The following SORCS1 variants were observed in gnomAD, a reference collection of about 807,000 sequenced individuals.
SORCS1 encodes the protein VPS10 domain-containing receptor SorCS1.
SORCS1 carries 60 observed loss-of-function variants against 146.1 expected under a neutral mutation model. The observed-to-expected ratio is 0.41, with a 90% CI of 0.33 to 0.51. The LOEUF (loss-of-function observed/expected upper bound fraction) is 0.51, where lower values mean the gene tolerates loss of function less well. Ranked by LOEUF, SORCS1 falls within the 20% of genes least tolerant of loss-of-function variation. The pLI, the probability that SORCS1 is intolerant of heterozygous loss-of-function variation, is 0.21. For missense variants in SORCS1, 1,352 were observed against 1,487.6 expected (o/e 0.91, Z 1.50); for synonymous variants, 637 against 584.0 (o/e 1.09, Z -1.31).
chr10:106,636,874 A>G (rs1465144328), intron 18 of SORCS1, among the ~76,000 whole-genome samples: 2 of 152,186 alleles, frequency 1.3e-5, no homozygotes, highest in East Asian at 3.9e-4. Flanking sequence ...AAAACACTCA[A>G]ACTACTCTGT....
chr10:106,818,216 C>A (rs1947837351), intron 3 of SORCS1, among the ~76,000 whole-genome samples: 1 of 152,122 alleles, frequency 6.6e-6, no homozygotes, highest in South Asian at 2.1e-4. Context: ...TATATCAAAT[C>A]TATAATGTGA....
rs577669983 is a variant in SORCS1, at chr10:106,765,018, G to C, written c.886-3357C>G. On this transcript the variant is annotated intron_variant, in intron 4 of 25. Coordinates refer to ENST00000263054, the MANE Select transcript of SORCS1 (RefSeq NM_052918.5). ...AGCCTGGGCAACAGAGCAAGACACT[G>C]TCTCAAAAAAAAAAAAAAAAAAAAA... Among the ~76,000 whole-genome samples the C allele has an allele frequency of 7.2e-5, 6 of 83,838 alleles. No individual in the cohort carries two copies. In the South Asian group the frequency reaches 3.0e-3, roughly 41 times the overall value. 55.0% of individuals were successfully genotyped at this position (83,838 alleles called of 152,430 possible).
At chr10:106,867,847 C>T (rs1181249233) in intron 2 of SORCS1, among the ~76,000 whole-genome samples, 1 of 152,096 alleles carries the variant, frequency 6.6e-6, no homozygotes, top group Non-Finnish European at 1.5e-5. Context: ...GGATCAAATC[C>T]ACACATATCA....
chr10:107,100,911 G>C (rs1274293235), intron 1 of SORCS1, among the ~76,000 whole-genome samples: 1 of 152,134 alleles, frequency 6.6e-6, no homozygotes, highest in Admixed American at 6.5e-5. Flanking sequence ...TATTTTTCTA[G>C]AGACAGGGTC....
chr10:107,014,306 A>AG (rs1564927121), intron 1 of SORCS1, among the ~76,000 whole-genome samples: 3 of 151,408 alleles, frequency 2.0e-5, no homozygotes, highest in African/African-American at 7.3e-5. Context: ...GAGAGAGAGA[A>AG]AGAAACAAAA....
chr10:106,744,614 A>G (rs1857589231), intron 5 of SORCS1, among the ~76,000 whole-genome samples: 1 of 152,154 alleles, frequency 6.6e-6, no homozygotes, highest in South Asian at 2.1e-4. Context: ...CATATTTTTC[A>G]TGTATTTTTT....
chr10:106,595,690 T>A (rs1589688381), intron 24 of SORCS1, among the ~76,000 whole-genome samples: 1 of 152,174 alleles, frequency 6.6e-6, no homozygotes, highest in East Asian at 1.9e-4. Flanking sequence ...CCTCGTGAAA[T>A]CTCCAGGAAA....
intron 6 of SORCS1, among the ~76,000 whole-genome samples, chr10:106,718,424 C>G (rs186464017): frequency 1.3e-5 from 2 of 152,140 alleles, no homozygotes; most frequent in Non-Finnish European, 2.9e-5. Context: ...ATGGTGTGCC[C>G]GGAGTTTATT....
chr10:106,592,370 T>C (rs919898452), intron 24 of SORCS1, among the ~76,000 whole-genome samples: 1 of 152,182 alleles, frequency 6.6e-6, no homozygotes, highest in Non-Finnish European at 1.5e-5. Context: ...CTAATGACAT[T>C]CAGGTATCTG....
intron 1 of SORCS1, among the ~76,000 whole-genome samples, chr10:107,010,885 T>C (rs1250032067): frequency 6.6e-6 from 1 of 152,152 alleles, no homozygotes; most frequent in African/African-American, 2.4e-5. Context: ...CACAGAGCTT[T>C]CAAACCAGAT....
At chr10:107,082,896 G>A (rs1963437931) in intron 1 of SORCS1, among the ~76,000 whole-genome samples, 1 of 151,946 alleles carries the variant, frequency 6.6e-6, no homozygotes, top group African/African-American at 2.4e-5. Flanking sequence ...ACAAGGTCAG[G>A]AGATCCCAGA....
chr10:106,710,580 G>T (rs952859076), intron 6 of SORCS1, among the ~76,000 whole-genome samples: 1 of 152,120 alleles, frequency 6.6e-6, no homozygotes, highest in East Asian at 1.9e-4. Context: ...CGTCAGTTTG[G>T]TCGCTATTGC....
chr10:106,705,342 G>A (rs983012838), intron 8 of SORCS1, among the ~76,000 whole-genome samples: 1 of 152,118 alleles, frequency 6.6e-6, no homozygotes, highest in Non-Finnish European at 1.5e-5. Flanking sequence ...AGGGAAGGGT[G>A]GTAGCCAAGA....
intron 2 of SORCS1, among the ~76,000 whole-genome samples, chr10:106,918,466 G>C (rs1952551238): frequency 6.6e-6 from 1 of 152,070 alleles, no homozygotes; most frequent in African/African-American, 2.4e-5. Context: ...CCTGGCTAAA[G>C]ATGTTTTCTT....
At chr10:106,890,678 A>C (rs1260178569) in intron 2 of SORCS1, among the ~76,000 whole-genome samples, 2 of 152,226 alleles carry the variant, frequency 1.3e-5, no homozygotes, top group African/African-American at 4.8e-5. Context: ...AGTTACCAGA[A>C]GTTTTGAAAT....
At chr10:106,740,768 T>C (rs1857306594) in intron 5 of SORCS1, among the ~76,000 whole-genome samples, 1 of 152,196 alleles carries the variant, frequency 6.6e-6, no homozygotes, top group Admixed American at 6.5e-5. Flanking sequence ...TGAAAATACA[T>C]GTTGTGTGCC....
At chr10:106,964,634 G>A (rs747496056) in intron 1 of SORCS1, among the ~76,000 whole-genome samples, 5 of 151,972 alleles carry the variant, frequency 3.3e-5, no homozygotes, top group South Asian at 2.1e-4. Flanking sequence ...CTACAGGTGC[G>A]TGCCACCACA....
intron 2 of SORCS1, among the ~76,000 whole-genome samples, chr10:106,834,258 T>C (rs1948689868): frequency 6.6e-6 from 1 of 152,226 alleles, no homozygotes; most frequent in Admixed American, 6.5e-5. Flanking sequence ...GCAGACTGGC[T>C]TGTGAGCCGA....
chr10:106,759,735 C>A (rs1012443822), intron 5 of SORCS1, among the ~76,000 whole-genome samples: 1 of 152,110 alleles, frequency 6.6e-6, no homozygotes, highest in Non-Finnish European at 1.5e-5. Context: ...CCCTTTCTTT[C>A]TCTTGCTGCC....
Sources: gnomAD v4.1 joint callset for allele counts (sites outside exome capture counted in the v4.1 genomes callset) on GRCh38, gnomAD v4.1.1 for gene constraint, MANE v1.5 for transcripts, NCBI Gene and HGNC (gene_info 2026-07-23, HGNC 2026-07-21) for gene names.